Variants in SMG6 observed in about 807,000 individuals in gnomAD.
SMG6 encodes SMG6 nonsense mediated mRNA decay factor, also known as telomerase-binding protein EST1A.
SMG6 carries 66 observed loss-of-function variants against 142.2 expected under a neutral mutation model. The ratio of observed to expected loss-of-function variants is 0.46; its 90% CI spans 0.38 to 0.57. The LOEUF (loss-of-function observed/expected upper bound fraction) is 0.57. Ranked by LOEUF, SMG6 falls within the 20% of genes least tolerant of loss-of-function variation. SMG6 has a pLI of 0.00. For missense variants in SMG6, 1,793 were observed against 1,832.0 expected, an observed-to-expected ratio of 0.98 and a Z score of 0.39; for synonymous variants, 779 against 702.4, an observed-to-expected ratio of 1.11 and a Z score of -1.72.
intron 10 of SMG6, 98 bp downstream of exon 10, chr17:2,236,394 G>T (rs2073653507): frequency 4.9e-6 from 6 of 1,224,220 alleles, no homozygotes; most frequent in East Asian, 4.9e-5. Context: ...GGGGTGGGGT[G>T]GGGGGAGGTA....
At chr17:2,253,487 G>A (rs1214008901) in intron 8 of SMG6, among the ~76,000 whole-genome samples, 2 of 152,100 alleles carry the variant, frequency 1.3e-5, no homozygotes, top group African/African-American at 4.8e-5. Flanking sequence ...TACAACGCTG[G>A]TGTCTCAAAA....
At chr17:2,265,056 T>TA (rs1470548805) in intron 8 of SMG6, among the ~76,000 whole-genome samples, 1 of 151,868 alleles carries the variant, frequency 6.6e-6, no homozygotes, top group African/African-American at 2.4e-5. Context: ...AATGAAGGAG[T>TA]AAACCTTAAC....
At chr17:2,188,566 A>G in intron 10 of SMG6, 51 bp from the exon 11 acceptor site, 2 of 1,492,470 alleles carry the variant, frequency 1.3e-6, no homozygotes, top group East Asian at 2.3e-5. Context: ...CAAGATGCAC[A>G]TCACTGGCCA....
chr17:2,196,892 C>T (rs1276366056), intron 10 of SMG6, among the ~76,000 whole-genome samples: 1 of 152,112 alleles, frequency 6.6e-6, no homozygotes, highest in African/African-American at 2.4e-5. Flanking sequence ...GGAGGAATAT[C>T]TTTTCAACAA....
intron 9 of SMG6, chr17:2,236,877 G>C: frequency 8.3e-7 from 1 of 1,203,056 alleles, no homozygotes; most frequent in East Asian, 3.8e-5. Context: ...CTCAAGTTTT[G>C]GATAAATCAC....
intron 13 of SMG6, among the ~76,000 whole-genome samples, chr17:2,160,028 C>A (rs2071126187): frequency 6.6e-6 from 1 of 152,044 alleles, no homozygotes; most frequent in Non-Finnish European, 1.5e-5. Flanking sequence ...GGGATAGAGG[C>A]ACTTGGGAAC....
chr17:2,230,668 C>T (rs2073463887), intron 10 of SMG6, among the ~76,000 whole-genome samples: 1 of 152,184 alleles, frequency 6.6e-6, no homozygotes, highest in Non-Finnish European at 1.5e-5. Flanking sequence ...GAACTACAGG[C>T]AGATCCACAG....
intron 13 of SMG6, among the ~76,000 whole-genome samples, chr17:2,167,084 A>G (rs1597505247): frequency 7.3e-6 from 1 of 137,654 alleles, no homozygotes; most frequent in African/African-American, 2.7e-5. Context: ...GTGAGCCGAG[A>G]TCACACCACT....
At position 2,299,804 on chromosome 17, in the gene SMG6, G is replaced by GTCC; in HGVS notation, c.946_948dup (p.Gly316dup). The GTCC allele has an allele frequency of 6.2e-7, 1 of 1,614,122 alleles. No individual in the cohort carries two copies. The highest frequency in any genetic ancestry group is 1.6e-4 in the Middle Eastern group (1 of 6,062). ...CTCTTCCTTTCTGAACTTCTCCTGG[G>GTCC]TCCTAATCCATCAGGCTCATCAATT... On this transcript the variant is annotated inframe_insertion, in exon 2 of 19. Coordinates refer to ENST00000263073, the MANE Select transcript of SMG6 (RefSeq NM_017575.5). This position sits in a 1 kb window ranked among gnomAD's most constrained non-coding sequence, Gnocchi z 4.3.
chr17:2,180,012 G>A (rs2071758296), intron 12 of SMG6, among the ~76,000 whole-genome samples: 1 of 152,230 alleles, frequency 6.6e-6, no homozygotes, highest in African/African-American at 2.4e-5. Context: ...GATAAGTGAA[G>A]ATTTGGCCTC....
At chr17:2,267,751 A>ATT in intron 8 of SMG6, among the ~76,000 whole-genome samples, 1 of 139,122 alleles carries the variant, frequency 7.2e-6, no homozygotes, top group Non-Finnish European at 1.6e-5. Context: ...TTTTATTATT[A>ATT]TTTTTTTTTT....
chr17:2,066,696 A>ACACACACAC (rs1555529730), intron 16 of SMG6, among the ~76,000 whole-genome samples: 14 of 43,892 alleles, frequency 3.2e-4, no homozygotes, highest in Non-Finnish European at 6.5e-4. Flanking sequence ...CACACACACA[A>ACACACACAC]TGCCCATGCT....
chr17:2,064,837 G>C (rs990902081), intron 18 of SMG6, among the ~76,000 whole-genome samples: 7 of 151,748 alleles, frequency 4.6e-5, no homozygotes, highest in Admixed American at 4.6e-4. Flanking sequence ...TCGCGGCCTA[G>C]GGCTGGGCTT....
At chr17:2,261,351 C>T (rs112229115) in intron 8 of SMG6, among the ~76,000 whole-genome samples, 2 of 151,760 alleles carry the variant, frequency 1.3e-5, no homozygotes, top group Non-Finnish European at 2.9e-5. Flanking sequence ...GACAGCGATA[C>T]AAGTAAATAA....
chr17:2,248,664 T>C lies in SMG6; in HGVS notation c.2662-3945A>G, dbSNP rs552321958. ...ACACACTCTCCCTAACCTTAGTTAA[T>C]GAGAACCACCGCTTTATTTTTAGTC... On this transcript the variant is annotated intron_variant, in intron 8 of 18. Coordinates refer to ENST00000263073, the MANE Select transcript of SMG6 (RefSeq NM_017575.5). Among the ~76,000 whole-genome samples, 22 of 152,342 alleles carry C rather than the reference T, an allele frequency of 1.4e-4. No homozygotes were observed. In the South Asian group the frequency reaches 4.6e-3, roughly 32 times the overall value.
chr17:2,188,881 ATAAC>A (rs1317484550), intron 10 of SMG6, among the ~76,000 whole-genome samples: 6 of 152,338 alleles, frequency 3.9e-5, no homozygotes, highest in African/African-American at 7.2e-5. Context: ...TCTCTAGTGT[ATAAC>A]TAACAGGAGC....
At chr17:2,226,472 G>A (rs1292864429) in intron 10 of SMG6, among the ~76,000 whole-genome samples, 1 of 151,200 alleles carries the variant, frequency 6.6e-6, no homozygotes, top group Non-Finnish European at 1.5e-5. Flanking sequence ...CCAGCTACTT[G>A]GGAGACTGAG....
intron 13 of SMG6, among the ~76,000 whole-genome samples, chr17:2,166,054 A>G (rs2071329246): frequency 6.6e-6 from 1 of 152,174 alleles, no homozygotes; most frequent in African/African-American, 2.4e-5. Flanking sequence ...TCTACTAAAA[A>G]TACAAAAATT....
chr17:2,195,807 G>A (rs576080913), intron 10 of SMG6, among the ~76,000 whole-genome samples: 2 of 152,138 alleles, frequency 1.3e-5, no homozygotes, highest in Non-Finnish European at 2.9e-5. Flanking sequence ...AATAACACAA[G>A]GCTAGAAAGT....
Sources: allele counts gnomAD v4.1 joint callset (sites outside exome capture counted in the v4.1 genomes callset), GRCh38; gene constraint gnomAD v4.1.1; non-coding constraint Gnocchi (gnomAD v3.1); transcripts MANE v1.5; gene names NCBI Gene and HGNC (gene_info 2026-07-23, HGNC 2026-07-21).